Variants in ZNF606 observed in about 807,000 individuals in gnomAD.
The protein encoded by ZNF606 is zinc finger protein 606, also known as zinc finger protein 328.
Under a neutral mutation model 74.9 loss-of-function variants are expected in ZNF606, and 37 were observed. The ratio of observed to expected loss-of-function variants is 0.49; its 90% CI spans 0.38 to 0.65. The LOEUF is 0.65. Ranked by LOEUF, ZNF606 falls within the 30% of genes least tolerant of loss-of-function variation. The pLI is 0.00. For synonymous variants in ZNF606, 328 were observed against 312.4 expected (o/e 1.05, Z -0.53); for missense variants, 852 against 952.9 (o/e 0.89, Z 1.39).
At chr19:57,986,433 CAG>C (rs1229322351) in intron 6 of ZNF606, among the ~76,000 whole-genome samples, 2 of 151,910 alleles carry the variant, frequency 1.3e-5, no homozygotes, top group Non-Finnish European at 2.9e-5. Context: ...GCCTGGGCAA[CAG>C]AGTGTCTTTT....
chr19:58,002,700 C>T lies in ZNF606; in HGVS notation c.-356G>A. On this transcript the variant is annotated 5_prime_UTR_variant, in exon 1 of 7. Transcript: ENST00000551380. ...AGGGCAGGCGCAGGACCCACCCTGACGCCGCCTCTCCCAGCCGGCTCTCCT... is the reference window on the plus strand; with the variant it reads ...AGGGCAGGCGCAGGACCCACCCTGATGCCGCCTCTCCCAGCCGGCTCTCCT... 1 of 453,974 alleles carries T rather than the reference C, an allele frequency of 2.2e-6. No individual in the cohort carries two copies. The highest frequency in any genetic ancestry group is 4.4e-6 in the Non-Finnish European group (1 of 225,964). The allele number at this position is 453,974 out of a possible 1,614,324, so 28.1% of individuals were successfully genotyped here.
At chr19:58,000,857 G>A in intron 2 of ZNF606, 118 bp from the exon 3 acceptor site, 1 of 969,036 alleles carries the variant, frequency 1.0e-6, no homozygotes, top group Admixed American at 2.9e-5. Flanking sequence ...CAGAGCCCAA[G>A]GGTGTGTAAA....
At chr19:57,996,089 AAG>A (rs1247920920) in intron 4 of ZNF606, among the ~76,000 whole-genome samples, 7 of 152,212 alleles carry the variant, frequency 4.6e-5, no homozygotes, top group Admixed American at 4.6e-4. Flanking sequence ...AGAAATGAAA[AAG>A]GGGACATTTT....
Position 57,979,592 on chromosome 19 carries a change from TG to T in ZNF606, c.1087del (p.Gln363LysfsTer6). The T allele has an allele frequency of 6.2e-7, 1 of 1,613,012 alleles. No homozygotes were observed. Among genetic ancestry groups the T allele is most frequent in the Non-Finnish European group, 8.5e-7 (1 of 1,179,824 alleles). On this transcript the variant is annotated frameshift_variant, in exon 7 of 7. Transcript: ENST00000551380. LOFTEE classifies it high-confidence loss of function. ...CGCTTTCTCTACAGTACCAATTTTTTGATGTTCCATAAAGGATGAGAAATAA... is the reference window on the plus strand; with the variant it reads ...CGCTTTCTCTACAGTACCAATTTTTTATGTTCCATAAAGGATGAGAAATAA... Reference protein sequence around the residue: ...IFYFSSFMEHQKIGTVEKAYK... With the variant: ...IFYFSSFMEHXKIGTVEKAYK...
chr19:57,978,954 AT>A lies in ZNF606; in HGVS notation c.1725del (p.Lys575AsnfsTer42). 8 of 1,614,080 alleles carry A rather than the reference AT, an allele frequency of 5.0e-6. No individual in the cohort carries two copies. Among genetic ancestry groups the A allele is most frequent in the Non-Finnish European group, 5.9e-6 (7 of 1,180,010 alleles). The stretch of plus-strand genomic sequence containing the variant: ...ATAAGATGGGAGCTCCAGCTGAAGG[AT>A]TTTCCACATTCAGTACATTTATATG... ...AKPYKCTECG[K>X]SFSWSSHLIA... is the part of the protein sequence containing the mutation. On this transcript the variant is annotated frameshift_variant, in exon 7 of 7. Transcript: ENST00000551380. LOFTEE classifies it high-confidence loss of function. The surrounding 1 kb of genome is among the most constrained non-coding windows in gnomAD (Gnocchi z 4.4).
chr19:57,988,391 T>C, intron 5 of ZNF606, 89 bp from the exon 6 acceptor site: 1 of 1,437,712 alleles, frequency 7.0e-7, no homozygotes, highest in South Asian at 1.2e-5. Context: ...CCCTGTGACT[T>C]CTCAACCTGG....
At chr19:58,000,792 C>G (rs117174477) in intron 2 of ZNF606, 53 bp from the exon 3 acceptor site, 4 of 1,481,908 alleles carry the variant, frequency 2.7e-6, no homozygotes, top group Non-Finnish European at 3.6e-6. Context: ...TGATTCAAGG[C>G]GACAAAATAC....
rs1322496250 is a variant in ZNF606 at position 57,978,248 on chromosome 19, G to T, written c.*53C>A. Reference sequence around the variant, plus strand: ...TGTCCCCTCTTGATTATGTTTATAGGGTTTTCCTCAATGTGTTGTCAAATG... The same window carrying T: ...TGTCCCCTCTTGATTATGTTTATAGTGTTTTCCTCAATGTGTTGTCAAATG... On this transcript the variant is annotated 3_prime_UTR_variant, in exon 7 of 7. Transcript: ENST00000551380. The surrounding 1 kb of genome is among the most constrained non-coding windows in gnomAD (Gnocchi z 4.4). The T allele has an allele frequency of 2.0e-6, 3 of 1,493,636 alleles. No individual in the cohort carries two copies. In the African/African-American group the frequency reaches 4.2e-5, roughly 21 times the overall value. 92.5% of individuals were successfully genotyped at this position (1,493,636 alleles called of 1,614,324 possible). A position where few individuals can be genotyped will look rare whatever the true frequency, so the allele number is the denominator to read the frequency against.
At chr19:57,996,065 A>T (rs1219218660) in intron 4 of ZNF606, among the ~76,000 whole-genome samples, 2 of 152,332 alleles carry the variant, frequency 1.3e-5, no homozygotes, top group South Asian at 2.1e-4. Flanking sequence ...ACTAAAATAA[A>T]TTTTTAAAAA....
At chr19:57,982,553 A>G (rs1202495251) in intron 6 of ZNF606, among the ~76,000 whole-genome samples, 1 of 152,158 alleles carries the variant, frequency 6.6e-6, no homozygotes, top group African/African-American at 2.4e-5. Flanking sequence ...GCAGGTCCCA[A>G]CAAGAACTAG....
intron 4 of ZNF606, chr19:57,997,735 T>G (rs1171485010): frequency 6.6e-6 from 1 of 152,262 alleles, no homozygotes; most frequent in African/African-American, 2.4e-5. Context: ...CAGTGTTTTA[T>G]TACAGCTAAC....
chr19:57,999,990 C>T, intron 3 of ZNF606, 94 bp from the exon 4 acceptor site: 3 of 1,109,374 alleles, frequency 2.7e-6, no homozygotes, highest in Non-Finnish European at 3.8e-6. Context: ...TGCCCCTCCC[C>T]CTTGAATGAG....
intron 4 of ZNF606, among the ~76,000 whole-genome samples, chr19:57,989,518 C>A (rs1290518226): frequency 6.6e-6 from 1 of 151,996 alleles, no homozygotes; most frequent in East Asian, 2.0e-4. Flanking sequence ...GTGATCTCAG[C>A]TCACTACAAC....
rs778607745 is a variant in ZNF606 at position 57,979,823 on chromosome 19, T to C, written c.857A>G (p.Asp286Gly). The change falls in exon 7 of 7, where the codon GAT becomes GGT. Residue 286 changes from aspartate (D) to glycine (G), a missense_variant. Transcript: ENST00000551380. Reference sequence around the variant, plus strand: ...AGCATCAGTACATTTGAAAAGATTATCTCCAGTTTGTATTCTTGCAGGGTA... The same window carrying C: ...AGCATCAGTACATTTGAAAAGATTACCTCCAGTTTGTATTCTTGCAGGGTA... Reference protein sequence around the residue: ...PIYPARIQTGDNLFKCTDAVK... With the variant: ...PIYPARIQTGGNLFKCTDAVK... 2 of 1,613,324 alleles carry C rather than the reference T, an allele frequency of 1.2e-6. No homozygotes were observed. The highest frequency in any genetic ancestry group is 2.7e-5 in the African/African-American group (2 of 74,928).
At chr19:57,992,930 T>G (rs1005969631) in intron 4 of ZNF606, among the ~76,000 whole-genome samples, 9 of 152,230 alleles carry the variant, frequency 5.9e-5, no homozygotes, top group Non-Finnish European at 1.3e-4. Context: ...GACTGTTATC[T>G]TAATGATAAA....
intron 4 of ZNF606, among the ~76,000 whole-genome samples, chr19:57,990,838 T>G (rs2073247366): frequency 6.6e-6 from 1 of 152,100 alleles, no homozygotes; most frequent in Non-Finnish European, 1.5e-5. Context: ...AACAAAGAAC[T>G]GCTTCTGCTC....
rs769769530 is a variant in ZNF606, at chr19:58,002,775, C to G, written c.-431G>C. 1 of 454,100 alleles carries G rather than the reference C, an allele frequency of 2.2e-6. No homozygotes were observed. Among genetic ancestry groups the G allele is most frequent in the Non-Finnish European group, 4.4e-6 (1 of 226,012 alleles). The allele number at this position is 454,100 out of a possible 1,614,324, so 28.1% of individuals were successfully genotyped here. A position where few individuals can be genotyped will look rare whatever the true frequency, so the allele number is the denominator to read the frequency against. ...GCGGCCCCACAGCCTGAGCAAAGGC[C>G]TCACCTCAGCCGCGGACAATGGCGG... is the stretch of plus-strand genomic sequence containing the variant. On this transcript the variant is annotated 5_prime_UTR_variant, in exon 1 of 7. Transcript: ENST00000551380.
chr19:57,980,497 A>G, intron 6 of ZNF606, among the ~76,000 whole-genome samples: 1 of 152,306 alleles, frequency 6.6e-6, no homozygotes, highest in South Asian at 2.1e-4. Flanking sequence ...AACTAATGAA[A>G]CCATTTAAAA....
intron 1 of ZNF606, 173 bp downstream of exon 1, chr19:58,002,223 T>C (rs774565935): frequency 1.3e-5 from 6 of 456,686 alleles, no homozygotes; most frequent in Non-Finnish European, 2.2e-5. Context: ...TCCTTCACAG[T>C]GCTTTGTGTG....
Sources: gnomAD v4.1 joint callset for allele counts (sites outside exome capture counted in the v4.1 genomes callset) on GRCh38, gnomAD v4.1.1 for gene constraint, Gnocchi (gnomAD v3.1) non-coding constraint, MANE v1.5 for transcripts, NCBI Gene and HGNC (gene_info 2026-07-23, HGNC 2026-07-21) for gene names.